TNK2: variants seen among roughly 807,000 people sequenced by gnomAD.
TNK2 encodes the protein activated CDC42 kinase 1.
TNK2 carries 83 observed loss-of-function variants against 101.8 expected under a neutral mutation model. The ratio of observed to expected loss-of-function variants is 0.82; its 90% CI spans 0.68 to 0.98. The LOEUF is 0.98. Ranked by LOEUF, TNK2 falls within the 50% of genes least tolerant of loss-of-function variation. The pLI is 0.00. For synonymous variants in TNK2, 804 were observed against 633.0 expected, an observed-to-expected ratio of 1.27 and a Z score of -4.06; for missense variants, 1,665 against 1,483.2, an observed-to-expected ratio of 1.12 and a Z score of -2.01.
rs1174879101 is a variant in TNK2 at position 195,885,387 on chromosome 3, G to T, written c.235-354C>A. 2.0e-5 allele frequency: 20 copies of T among 1,018,858 alleles called. No individual in the cohort carries two copies. The highest frequency in any genetic ancestry group is 2.6e-5 in the Non-Finnish European group (19 of 731,104). 63.1% of individuals were successfully genotyped at this position (1,018,858 alleles called of 1,614,324 possible). The stretch of plus-strand genomic sequence containing the variant: ...TGCCCCACCCTCCCTTCCTGCACCC[G>T]CCACCCCGCAGACTCCAGCCCTAAC... On this transcript the variant is annotated intron_variant, in intron 3 of 15. Coordinates refer to ENST00000672887, the MANE Select transcript of TNK2 (RefSeq NM_001382273.1). The surrounding 1 kb of genome is among the most constrained non-coding windows in gnomAD (Gnocchi z 4.7).
chr3:195,893,354 TG>T (rs1357447568), intron 1 of TNK2, among the ~76,000 whole-genome samples: 2 of 151,532 alleles, frequency 1.3e-5, no homozygotes, highest in East Asian at 3.9e-4. Context: ...CCCCCTCCCC[TG>T]GGGTGGCCCT....
At position 195,885,112 on chromosome 3, in the gene TNK2, CTGG is replaced by C. The variant is rs1755036219; in HGVS notation, c.235-82_235-80del. The C allele has an allele frequency of 7.1e-7, 1 of 1,400,556 alleles. No individual in the cohort carries two copies. The highest frequency in any genetic ancestry group is 9.6e-7 in the Non-Finnish European group (1 of 1,038,398). 86.8% of individuals were successfully genotyped at this position (1,400,556 alleles called of 1,614,324 possible). A position where few individuals can be genotyped will look rare whatever the true frequency, so the allele number is the denominator to read the frequency against. ...CTCAGTCCCACCCCGCTGGGTCCAC[CTGG>C]TGATCCCCGGCTTCGGCTTCCAGAT... On this transcript the variant is annotated intron_variant, in intron 3 of 15. Transcript: ENST00000672887. The surrounding 1 kb of genome is among the most constrained non-coding windows in gnomAD (Gnocchi z 4.7).
intron 1 of TNK2, among the ~76,000 whole-genome samples, chr3:195,904,991 T>A (rs1761582396): frequency 6.6e-6 from 1 of 152,182 alleles, no homozygotes; most frequent in African/African-American, 2.4e-5. Context: ...TAACTAATTC[T>A]AAAATGTATA....
intron 2 of TNK2, among the ~76,000 whole-genome samples, chr3:195,887,434 C>G (rs907503169): frequency 3.3e-5 from 5 of 152,236 alleles, no homozygotes; most frequent in Non-Finnish European, 7.3e-5. Context: ...TAACTTAGCA[C>G]ATTACTACCT....
At chr3:195,892,568 GC>G in intron 1 of TNK2, 2 of 1,494,004 alleles carry the variant, frequency 1.3e-6, no homozygotes, top group Admixed American at 2.1e-5. Flanking sequence ...CTGCCCAGGA[GC>G]CCCCCAAATC....
intron 12 of TNK2, 132 bp downstream of exon 12, chr3:195,869,365 C>A (rs1283942490): frequency 2.0e-6 from 2 of 1,017,616 alleles, no homozygotes. Context: ...CCAGGGCAGC[C>A]GCGGAAGCTC....
Position 195,872,037 on chromosome 3 carries a change from CCTCCCCTGGAGAACA to C in TNK2, c.1451+224_1451+238del, listed in dbSNP as rs1328525478. On this transcript the variant is annotated intron_variant, in intron 10 of 15. Coordinates refer to ENST00000672887, the MANE Select transcript of TNK2 (RefSeq NM_001382273.1). ...CCTGGAGAACCCTCCCCTGGAGAACCCTCCCCTGGAGAACACTCCCCTGGAGAACATTCCCCTGGA... is the reference window on the plus strand; with the variant it reads ...CCTGGAGAACCCTCCCCTGGAGAACCCTCCCCTGGAGAACATTCCCCTGGA... Among the ~76,000 whole-genome samples the C allele has an allele frequency of 3.8e-3, 316 of 84,230 alleles. 3 individuals are homozygous for C. Among genetic ancestry groups the C allele is most frequent in the Admixed American group, 5.3e-3 (39 of 7,350 alleles). The allele number at this position is 84,230 out of a possible 152,430, so 55.3% of individuals were successfully genotyped here.
chr3:195,887,117 C>T, intron 2 of TNK2, 70 bp from the exon 3 acceptor site: 1 of 1,539,632 alleles, frequency 6.5e-7, no homozygotes, highest in Non-Finnish European at 9.0e-7. Context: ...TGCCTGTGGT[C>T]CCCTTGGGGG....
At chr3:195,884,390 C>T (rs1754662629) in intron 4 of TNK2, 1 of 159,090 alleles carries the variant, frequency 6.3e-6, no homozygotes, top group Non-Finnish European at 1.4e-5. Context: ...CACCTGTAAT[C>T]CAAGCACTTT....
At chr3:195,869,755 T>C (rs1022562107) in intron 11 of TNK2, 7 of 607,560 alleles carry the variant, frequency 1.2e-5, no homozygotes, top group East Asian at 8.3e-5. Context: ...GACCGGGAGA[T>C]GGAGGAGGCC....
intron 12 of TNK2, 200 bp downstream of exon 12, chr3:195,869,297 T>G (rs1234640659): frequency 7.8e-6 from 5 of 637,184 alleles, no homozygotes; most frequent in East Asian, 5.5e-5. Flanking sequence ...AGGGCCACAC[T>G]CGTGAGCAGA....
rs1320470602 is a variant in TNK2, at chr3:195,868,005, T to G, written c.2293A>C (p.Thr765Pro). The change falls in exon 13 of 16, where the codon ACG becomes CCG. Residue 765 changes from threonine (T) to proline (P), a missense_variant. Thr to Pro is a conservative substitution (Grantham distance 38). Transcript: ENST00000672887. ...GGAGACAGCTGGACGTGTGGGCGCGTGGGCCGAGGGGGGATGGGTACCCGA... is the reference window on the plus strand; with the variant it reads ...GGAGACAGCTGGACGTGTGGGCGCGGGGGCCGAGGGGGGATGGGTACCCGA... ...PPRVPIPPRP[T>P]RPHVQLSPAP... The G allele has an allele frequency of 6.4e-7, 1 of 1,569,000 alleles. No homozygotes were observed. The highest frequency in any genetic ancestry group is 1.9e-5 in the Admixed American group (1 of 52,150).
chr3:195,894,563 T>G (rs560310862), intron 1 of TNK2: 1 of 152,180 alleles, frequency 6.6e-6, no homozygotes, highest in East Asian at 1.9e-4. Flanking sequence ...AGCTATTTTT[T>G]TTTTTTCCGC....
At chr3:195,897,262 C>T (rs2149824546) in intron 1 of TNK2, among the ~76,000 whole-genome samples, 2 of 152,334 alleles carry the variant, frequency 1.3e-5, no homozygotes, top group Middle Eastern at 3.4e-3. Flanking sequence ...AACCCTGCAC[C>T]TTCAGGTCGG....
intron 6 of TNK2, among the ~76,000 whole-genome samples, 184 bp downstream of exon 6, chr3:195,881,867 G>A (rs374787940): frequency 2.0e-5 from 3 of 152,080 alleles, no homozygotes; most frequent in Non-Finnish European, 4.4e-5. Flanking sequence ...ACCCTGGCAC[G>A]TGGGCCCTCA....
intron 1 of TNK2, chr3:195,892,847 G>T: frequency 1.5e-6 from 1 of 674,688 alleles, no homozygotes; most frequent in Non-Finnish European, 1.8e-6. Flanking sequence ...TCCCTCCCCA[G>T]CTGAGCAGCT....
At chr3:195,869,320 G>T (rs530304730) in intron 12 of TNK2, 177 bp downstream of exon 12, 186 of 685,386 alleles carry the variant, frequency 2.7e-4, no homozygotes, top group Admixed American at 1.2e-3. Context: ...CCCAGGCTCC[G>T]GGGGGCGGGC....
At chr3:195,881,866 CG>C (rs917805267) in intron 6 of TNK2, among the ~76,000 whole-genome samples, 184 bp downstream of exon 6, 1 of 152,084 alleles carries the variant, frequency 6.6e-6, no homozygotes, top group Non-Finnish European at 1.5e-5. Context: ...GACCCTGGCA[CG>C]TGGGCCCTCA....
intron 10 of TNK2, among the ~76,000 whole-genome samples, chr3:195,871,970 GGAGAACCCTCCC>G (rs1745701089): frequency 1.0e-4 from 14 of 136,078 alleles, no homozygotes; most frequent in African/African-American, 3.7e-4. Flanking sequence ...ACCCTCCCCT[GGAGAACCCTCCC>G]CTGGAGAACC....
Sources: gnomAD v4.1 joint callset for allele counts (sites outside exome capture counted in the v4.1 genomes callset) on GRCh38, gnomAD v4.1.1 for gene constraint, Gnocchi (gnomAD v3.1) non-coding constraint, MANE v1.5 for transcripts, NCBI Gene and HGNC (gene_info 2026-07-23, HGNC 2026-07-21) for gene names.